SEMA3E: variants seen among roughly 807,000 people sequenced by gnomAD.
SEMA3E encodes the protein semaphorin 3E.
SEMA3E carries 49 observed loss-of-function variants against 93.6 expected under a neutral mutation model. The observed-to-expected ratio is 0.52, with a 90% confidence interval of 0.42 to 0.66. The LOEUF is 0.66. Ranked by LOEUF, SEMA3E falls within the 30% of genes least tolerant of loss-of-function variation. The pLI is 0.00. For synonymous variants in SEMA3E, 363 were observed against 330.7 expected (o/e 1.10, Z -1.06); for missense variants, 906 against 964.8 (o/e 0.94, Z 0.81).
chr7:83,535,600 C>G (rs902447067), intron 1 of SEMA3E, among the ~76,000 whole-genome samples: 1 of 151,950 alleles, frequency 6.6e-6, no homozygotes, highest in Non-Finnish European at 1.5e-5. Context: ...TTACTAAAGT[C>G]ATTATTGTTC....
chr7:83,607,048 C>T (rs759020623), intron 1 of SEMA3E, among the ~76,000 whole-genome samples: 1 of 152,148 alleles, frequency 6.6e-6, no homozygotes, highest in Non-Finnish European at 1.5e-5. Context: ...ATTGTACCAA[C>T]ACTTCCTGTT....
chr7:83,644,984 C>A (rs990403430), intron 1 of SEMA3E, among the ~76,000 whole-genome samples: 3 of 151,950 alleles, frequency 2.0e-5, no homozygotes, highest in African/African-American at 7.2e-5. Context: ...AACACCTACC[C>A]CTGTCTGCCA....
chr7:83,599,513 G>T (rs577413306), intron 1 of SEMA3E, among the ~76,000 whole-genome samples: 2 of 152,244 alleles, frequency 1.3e-5, no homozygotes, highest in African/African-American at 4.8e-5. Context: ...TTCATAGCTG[G>T]TTTTTAATAA....
intron 14 of SEMA3E, among the ~76,000 whole-genome samples, chr7:83,389,690 G>A (rs1486233632): frequency 4.9e-5 from 7 of 142,942 alleles, no homozygotes; most frequent in Non-Finnish European, 1.1e-4. Context: ...TATATTACAT[G>A]TATACATACA....
At chr7:83,506,031 A>AT (rs1790698622) in intron 1 of SEMA3E, among the ~76,000 whole-genome samples, 1,317 of 130,404 alleles carry the variant, frequency 0.01, 10 homozygotes, top group African/African-American at 0.039. Context: ...AAAAAAAAAA[A>AT]AATATATATA....
At chr7:83,417,010 CACACAGGG>C (rs1482070990) in intron 5 of SEMA3E, among the ~76,000 whole-genome samples, 11 of 66,034 alleles carry the variant, frequency 1.7e-4, no homozygotes, top group East Asian at 5.9e-4. Context: ...CACACACACA[CACACAGGG>C]AGAGAGAGAG....
chr7:83,465,022 A>AC (rs397757109), intron 4 of SEMA3E, among the ~76,000 whole-genome samples: 61 of 148,622 alleles, frequency 4.1e-4, no homozygotes, highest in Middle Eastern at 3.4e-3. Context: ...CTGAAGAATC[A>AC]AAAGAAGTGA....
intron 5 of SEMA3E, among the ~76,000 whole-genome samples, chr7:83,409,206 C>CGTT (rs1486434282): frequency 6.6e-6 from 1 of 152,068 alleles, no homozygotes; most frequent in African/African-American, 2.4e-5. Flanking sequence ...AGGAAATAAC[C>CGTT]ATGTGTCTTT....
In SEMA3E at chr7:83,434,917, T is replaced by G. The variant is rs373792081; in HGVS notation, c.457-16434A>C. ...TTTAGTAGAGACGGGGTTTCACCGT[T>G]TTAGCCGGGATGGTCTCGATCTCCT... is the stretch of plus-strand genomic sequence containing the variant. On this transcript the variant is annotated intron_variant, in intron 4 of 16. Transcript: ENST00000643230. 8.8e-4 allele frequency among the ~76,000 whole-genome samples: 134 copies of G among 151,414 alleles called. 1 individual carries two copies. In the East Asian group the frequency reaches 0.021, roughly 24 times the overall value.
At chr7:83,597,527 C>T (rs757608502) in intron 1 of SEMA3E, among the ~76,000 whole-genome samples, 1 of 152,164 alleles carries the variant, frequency 6.6e-6, no homozygotes. Context: ...TTTCTCAACA[C>T]AAGTTCCTTT....
intron 1 of SEMA3E, among the ~76,000 whole-genome samples, chr7:83,593,432 T>C (rs968871745): frequency 5.9e-5 from 9 of 151,712 alleles, no homozygotes; most frequent in Non-Finnish European, 8.8e-5. Flanking sequence ...AGCACATAGA[T>C]GATACAATAT....
chr7:83,439,601 A>G (rs1351886234), intron 4 of SEMA3E, among the ~76,000 whole-genome samples: 1 of 152,156 alleles, frequency 6.6e-6, no homozygotes, highest in Non-Finnish European at 1.5e-5. Context: ...TTAAATAATT[A>G]TTTCTGATTT....
intron 1 of SEMA3E, among the ~76,000 whole-genome samples, chr7:83,506,032 A>AAT (rs869131366): frequency 0.015 from 1,821 of 119,540 alleles, 27 homozygotes; most frequent in South Asian, 0.026. Context: ...AAAAAAAAAA[A>AAT]ATATATATAT....
At chr7:83,502,770 T>G (rs571529711) in intron 1 of SEMA3E, among the ~76,000 whole-genome samples, 120 of 152,160 alleles carry the variant, frequency 7.9e-4, no homozygotes, top group Non-Finnish European at 1.3e-3. Flanking sequence ...AGGAACATGT[T>G]CCATAAGAAA....
intron 4 of SEMA3E, among the ~76,000 whole-genome samples, chr7:83,454,873 A>G (rs1663505061): frequency 6.6e-6 from 1 of 152,214 alleles, no homozygotes; most frequent in East Asian, 1.9e-4. Context: ...ATATTTAACT[A>G]CAGAATACAA....
intron 1 of SEMA3E, among the ~76,000 whole-genome samples, chr7:83,533,554 GATAAAATAAAATAAAATAAAATAAA>G (rs201440310): frequency 0.014 from 2,118 of 149,912 alleles, 62 homozygotes; most frequent in African/African-American, 0.049. Flanking sequence ...AATAAAATAC[GATAAAATAAAATAAAATAAAATAAA>G]ATAAAATAAA....
At chr7:83,568,957 A>T (rs538293126) in intron 1 of SEMA3E, among the ~76,000 whole-genome samples, 1 of 152,136 alleles carries the variant, frequency 6.6e-6, no homozygotes, top group African/African-American at 2.4e-5. Flanking sequence ...TTTGCTGTTG[A>T]TATGATCTTA....
Position 83,412,369 on chromosome 7 carries a change from A to C in SEMA3E, c.551-3882T>G, listed in dbSNP as rs1398181130. On this transcript the variant is annotated intron_variant, in intron 5 of 16. Coordinates refer to ENST00000643230, the MANE Select transcript of SEMA3E (RefSeq NM_012431.3). ...ATGCTCAATAAATATCTGTTGAATC[A>C]AAGAATGGCTTAATGAGTTCATAAT... Among the ~76,000 whole-genome samples the C allele has an allele frequency of 3.3e-5, 5 of 152,244 alleles. 1 individual carries two copies. The highest frequency in any genetic ancestry group is 3.3e-4 in the Admixed American group (5 of 15,280).
intron 1 of SEMA3E, among the ~76,000 whole-genome samples, chr7:83,505,780 C>T (rs897909296): frequency 2.6e-5 from 4 of 151,768 alleles, no homozygotes; most frequent in East Asian, 3.9e-4. Flanking sequence ...CTTTGGGATG[C>T]CAAGGGGGGC....
Sources: allele counts gnomAD v4.1 joint callset (sites outside exome capture counted in the v4.1 genomes callset), GRCh38; gene constraint gnomAD v4.1.1; transcripts MANE v1.5; gene names NCBI Gene and HGNC (gene_info 2026-07-23, HGNC 2026-07-21).